The following MTMR3 variants were observed in gnomAD, a reference collection of about 807,000 sequenced individuals.
MTMR3 encodes the protein phosphatidylinositol-3,5-bisphosphate 3-phosphatase MTMR3.
In MTMR3, 32 loss-of-function variants were observed where a neutral mutation model predicts 132.4. That is an observed-to-expected ratio of 0.24 (90% CI 0.18 to 0.32). The LOEUF (loss-of-function observed/expected upper bound fraction) is 0.32, where lower values mean the gene tolerates loss of function less well. Ranked by LOEUF, MTMR3 falls within the 10% of genes least tolerant of loss-of-function variation. The probability of loss-of-function intolerance (pLI) is 1.00; values close to 1 mark genes in which losing one functional copy is unlikely to be tolerated. For synonymous variants in MTMR3, 556 were observed against 550.3 expected (o/e 1.01, Z -0.14); for missense variants, 1,216 against 1,489.6 (o/e 0.82, Z 3.02).
chr22:29,926,369 G>A lies in MTMR3; in HGVS notation c.-137-30667G>A, dbSNP rs910232550. Among the ~76,000 whole-genome samples, 4 of 152,146 alleles carry A rather than the reference G, an allele frequency of 2.6e-5. No individual in the cohort carries two copies. The South Asian group carries it at 8.3e-4, about 32-fold the overall frequency. ...ATCTTTATGTACAGATTTTTGTGGG[G>A]ACACACGTTTTCAGTTTTCTTGGGT... is the stretch of plus-strand genomic sequence containing the variant. On this transcript the variant is annotated intron_variant, in intron 1 of 19. Transcript: ENST00000401950.
At chr22:29,954,059 C>CTTTTTTTTTTTTTTTTTTTTTTTTTTTT (rs59781649) in intron 1 of MTMR3, among the ~76,000 whole-genome samples, 2 of 79,426 alleles carry the variant, frequency 2.5e-5, no homozygotes, top group African/African-American at 5.3e-5. Flanking sequence ...TCAAATGAGT[C>CTTTTTTTTTTTTTTTTTTTTTTTTTTTT]TTTTTTTTTT....
rs2066522756 is a variant in MTMR3 at position 29,970,970 on chromosome 22, C to A, written c.-84-6C>A. ...TCTTCTTCCCCCTCTTCCCCCCCAC[C>A]CCCAGACTTCACCATAAGGGAAAGA... On this transcript the variant is annotated splice_region_variant and splice_polypyrimidine_tract_variant and intron_variant, in intron 2 of 19. Transcript: ENST00000401950. The A allele has an allele frequency of 3.6e-6, 4 of 1,096,500 alleles. No individual in the cohort carries two copies. The highest frequency in any genetic ancestry group is 2.0e-5 in the South Asian group (1 of 49,500). The allele number at this position is 1,096,500 out of a possible 1,614,324, so 67.9% of individuals were successfully genotyped here.
At chr22:29,972,572 C>T (rs916161642) in intron 3 of MTMR3, among the ~76,000 whole-genome samples, 9 of 152,116 alleles carry the variant, frequency 5.9e-5, no homozygotes, top group Non-Finnish European at 1.3e-4. Context: ...TGGTTGTATT[C>T]CGTTTTCTTT....
chr22:29,986,372 CAGTA>C (rs1321533569), intron 5 of MTMR3: 3 of 162,180 alleles, frequency 1.8e-5, no homozygotes, highest in Non-Finnish European at 3.9e-5. Context: ...AAATAAAAAG[CAGTA>C]AGTGTCTGTT....
At chr22:29,977,402 ATTAC>A (rs1276315730) in intron 3 of MTMR3, among the ~76,000 whole-genome samples, 1 of 152,222 alleles carries the variant, frequency 6.6e-6, no homozygotes, top group African/African-American at 2.4e-5. Flanking sequence ...AATGCAAAAT[ATTAC>A]TTTTTAATAC....
intron 1 of MTMR3, among the ~76,000 whole-genome samples, chr22:29,901,885 GTAA>G (rs150277006): frequency 2.4e-4 from 37 of 152,238 alleles, no homozygotes; most frequent in Admixed American, 5.9e-4. Flanking sequence ...TTATGTATCA[GTAA>G]TTACTTTCTG....
chr22:29,928,766 TG>T (rs1365579445), intron 1 of MTMR3, among the ~76,000 whole-genome samples: 2 of 152,026 alleles, frequency 1.3e-5, no homozygotes, highest in Non-Finnish European at 2.9e-5. Context: ...CCACCCTCCT[TG>T]GCCACCCAAA....
In MTMR3 at chr22:29,966,726, C is replaced by CGTGT. The variant is rs55960706; in HGVS notation, c.-84-4207_-84-4204dup. On this transcript the variant is annotated intron_variant, in intron 2 of 19. Transcript: ENST00000401950. ...TCCACTGGTGACCTGTAGGGGTGTG[C>CGTGT]GTGTGTGTGTGTGTGTGTGTGTGTG... Among the ~76,000 whole-genome samples the CGTGT allele has an allele frequency of 4.1e-3, 590 of 142,938 alleles. 6 individuals carry two copies. The highest frequency in any genetic ancestry group is 0.024 in the Middle Eastern group (7 of 286). 93.8% of individuals were successfully genotyped at this position (142,938 alleles called of 152,430 possible).
Position 29,954,567 on chromosome 22 carries a change from C to CTT in MTMR3, c.-137-2469_-137-2468insTT, listed in dbSNP as rs549224619. On this transcript the variant is annotated intron_variant, in intron 1 of 19. Coordinates refer to ENST00000401950, the MANE Select transcript of MTMR3 (RefSeq NM_021090.4). ...CTCGAACCTTTTCTGTTGAATCTCT[C>CTT]GTTTGGTCCATCTCTTGGAAGTTAA... is the stretch of plus-strand genomic sequence containing the variant. 4.5e-3 allele frequency among the ~76,000 whole-genome samples: 680 copies of CTT among 152,328 alleles called. 6 individuals carry two copies. The highest frequency in any genetic ancestry group is 0.015 in the African/African-American group (642 of 41,578).
At chr22:29,885,851 G>A (rs2064665837) in intron 1 of MTMR3, among the ~76,000 whole-genome samples, 1 of 152,198 alleles carries the variant, frequency 6.6e-6, no homozygotes, top group African/African-American at 2.4e-5. Context: ...TGTTACCAAA[G>A]GAAGTATTCG....
At chr22:30,016,851 G>A in intron 15 of MTMR3, 153 bp downstream of exon 15, 1 of 879,292 alleles carries the variant, frequency 1.1e-6, no homozygotes, top group South Asian at 1.7e-5. Context: ...ATTCTGTCCT[G>A]AGGAAGGCCT....
At position 30,018,063 on chromosome 22, in the gene MTMR3, C is replaced by T. The variant is rs1444971959; in HGVS notation, c.1811C>T (p.Pro604Leu). ...CCAGGCACCAGCCCTGATGATCCCC[C>T]CCTGAGCCGGTGAGCCCAGGGTGAT... is the stretch of plus-strand genomic sequence containing the variant. ...PAPGTSPDDP[P>L]LSRLPKTRSY... The change falls in exon 16 of 20, where the codon CCC (proline) becomes CTC (leucine). Residue 604 changes from proline to leucine, a missense_variant. Pro to Leu is a moderately conservative substitution (Grantham distance 98). Around this residue, in one of 7 missense-constraint regions of MTMR3, gnomAD observed 852 missense variants for 852.0 expected, o/e 1.00. Coordinates refer to ENST00000401950, the MANE Select transcript of MTMR3 (RefSeq NM_021090.4). 1.9e-6 allele frequency: 3 copies of T among 1,607,734 alleles called. No homozygotes were observed. The highest frequency in any genetic ancestry group is 2.7e-5 in the African/African-American group (2 of 74,714).
chr22:29,928,497 C>G (rs2065571584), intron 1 of MTMR3, among the ~76,000 whole-genome samples: 1 of 151,880 alleles, frequency 6.6e-6, no homozygotes, highest in African/African-American at 2.4e-5. Context: ...TAGGCTTTCC[C>G]CCCAGTGCCC....
At chr22:30,004,395 G>C (rs2067233839) in intron 9 of MTMR3, 1 of 152,168 alleles carries the variant, frequency 6.6e-6, no homozygotes, top group African/African-American at 2.4e-5. Flanking sequence ...ACTCTTATTT[G>C]CAAAATAAGA....
chr22:29,941,696 T>C lies in MTMR3; in HGVS notation c.-137-15340T>C, dbSNP rs546341579. Among the ~76,000 whole-genome samples, 123 of 152,396 alleles carry C rather than the reference T, an allele frequency of 8.1e-4. 1 individual carries two copies. The highest frequency in any genetic ancestry group is 1.7e-3 in the South Asian group (8 of 4,832). On this transcript the variant is annotated intron_variant, in intron 1 of 19. Coordinates refer to ENST00000401950, the MANE Select transcript of MTMR3 (RefSeq NM_021090.4). ...TCCTACATGACTTTCCTTTTCATTT[T>C]CTTAATGGTGTCTTTTGATAAGTAG...
intron 5 of MTMR3, chr22:29,985,338 A>C (rs1037479370): frequency 1.1e-4 from 17 of 152,284 alleles, no homozygotes; most frequent in African/African-American, 3.6e-4. Flanking sequence ...ATCTCTACTA[A>C]AAATACAAAA....
chr22:29,945,727 A>AAC (rs1304240359), intron 1 of MTMR3, among the ~76,000 whole-genome samples: 2 of 151,618 alleles, frequency 1.3e-5, no homozygotes, highest in African/African-American at 4.9e-5. Flanking sequence ...AGAAAAAAAA[A>AAC]AAAAAAATTT....
Position 30,002,905 on chromosome 22 carries a change from C to T in MTMR3, c.583C>T (p.Leu195Phe). Residue 195 changes from leucine (L) to phenylalanine (F), a missense_variant, in exon 9 of 20, where the codon CTC (leucine) becomes TTC (phenylalanine). This residue lies in a region of MTMR3 where 129 missense variants were observed against 245.7 expected (regional missense o/e 0.53). Coordinates refer to ENST00000401950, the MANE Select transcript of MTMR3 (RefSeq NM_021090.4). ...ATTATGTGGTAGCTATCCTCAAGAG[C>T]TCATAGTGCCTGCCTGGATCACTGA... The part of the protein sequence containing the change: ...YKLCGSYPQE[L>F]IVPAWITDKE... The T allele has an allele frequency of 6.2e-7, 1 of 1,613,932 alleles. No individual in the cohort carries two copies. Among genetic ancestry groups the T allele is most frequent in the South Asian group, 1.1e-5 (1 of 91,066 alleles).
chr22:29,888,392 C>T (rs1043919371), intron 1 of MTMR3, among the ~76,000 whole-genome samples: 1 of 151,884 alleles, frequency 6.6e-6, no homozygotes, highest in Non-Finnish European at 1.5e-5. Flanking sequence ...ACTTTGTCGT[C>T]GTTGTTTGGG....
Sources: gnomAD v4.1 joint callset for allele counts (sites outside exome capture counted in the v4.1 genomes callset) on GRCh38, gnomAD v4.1.1 for gene constraint, gnomAD v4.1.1 regional missense constraint, MANE v1.5 for transcripts, NCBI Gene and HGNC (gene_info 2026-07-23, HGNC 2026-07-21) for gene names.